Variants in BAALC observed in about 807,000 individuals in gnomAD.
The protein encoded by BAALC is BAALC binder of MAP3K1 and KLF4, also known as brain and acute leukemia cytoplasmic protein.
Under a neutral mutation model 15.5 loss-of-function variants are expected in BAALC, and 9 were observed. The observed-to-expected ratio is 0.58, with a 90% confidence interval of 0.35 to 1.02. The LOEUF (loss-of-function observed/expected upper bound fraction) is 1.02. BAALC is among the 50% of genes least tolerant of loss of function. The pLI, the probability that BAALC is intolerant of heterozygous loss-of-function variation, is 0.02. For missense variants in BAALC, 201 were observed against 192.4 expected, an observed-to-expected ratio of 1.04 and a Z score of -0.27; for synonymous variants, 80 against 74.6, an observed-to-expected ratio of 1.07 and a Z score of -0.37.
intron 1 of BAALC, chr8:103,198,152 A>G: frequency 1.4e-6 from 1 of 701,838 alleles, no homozygotes; most frequent in Admixed American, 2.0e-5. Context: ...TGGGCATCCC[A>G]ACCATTGATT....
intron 1 of BAALC, among the ~76,000 whole-genome samples, chr8:103,176,260 C>A (rs72673304): frequency 0.083 from 12,608 of 152,178 alleles, 708 homozygotes; most frequent in Middle Eastern, 0.13. Context: ...TGCACACATG[C>A]TGCAGAAAGC....
At chr8:103,190,045 T>G (rs1811931407) in intron 1 of BAALC, among the ~76,000 whole-genome samples, 1 of 152,102 alleles carries the variant, frequency 6.6e-6, no homozygotes, top group South Asian at 2.1e-4. Flanking sequence ...CAGGGATTCG[T>G]GTCAGACGTG....
chr8:103,218,327 C>T (rs1483509857), intron 2 of BAALC, among the ~76,000 whole-genome samples: 1 of 152,026 alleles, frequency 6.6e-6, no homozygotes, highest in Non-Finnish European at 1.5e-5. Context: ...TTCTCTATTG[C>T]ACCTTGATTT....
In BAALC at chr8:103,215,766, G is replaced by A. The variant is rs546697795; in HGVS notation, c.327+2681G>A. Among the ~76,000 whole-genome samples the A allele has an allele frequency of 2.8e-4, 43 of 152,304 alleles. No individual in the cohort carries two copies. The South Asian group carries it at 8.9e-3, about 32-fold the overall frequency. ...ATGGACAAGCCCAACTTTAAGCAGG[G>A]AAACATACTCCGTCCAAAGTGGAGA... On this transcript the variant is annotated intron_variant, in intron 2 of 2. Transcript: ENST00000309982.
chr8:103,152,680 G>A (rs1159115795), intron 1 of BAALC, among the ~76,000 whole-genome samples: 2 of 152,186 alleles, frequency 1.3e-5, no homozygotes. Context: ...GTACCAGTTA[G>A]GGATTGCATC....
chr8:103,171,692 T>C (rs1393795977), intron 1 of BAALC, among the ~76,000 whole-genome samples: 1 of 152,152 alleles, frequency 6.6e-6, no homozygotes, highest in Admixed American at 6.5e-5. Context: ...CCACAAGGAC[T>C]TGTGGAGAAC....
At chr8:103,163,421 T>C (rs1811273283) in intron 1 of BAALC, among the ~76,000 whole-genome samples, 1 of 152,076 alleles carries the variant, frequency 6.6e-6, no homozygotes, top group African/African-American at 2.4e-5. Flanking sequence ...GTCAGCCAAG[T>C]TCCTCAAATT....
chr8:103,177,062 G>A (rs1332366216), intron 1 of BAALC, among the ~76,000 whole-genome samples: 1 of 152,120 alleles, frequency 6.6e-6, no homozygotes. Flanking sequence ...GGTTTTTGTT[G>A]AAGTTGTTAA....
intron 1 of BAALC, among the ~76,000 whole-genome samples, chr8:103,169,232 C>T (rs1262005331): frequency 6.6e-6 from 1 of 152,050 alleles, no homozygotes; most frequent in Non-Finnish European, 1.5e-5. Flanking sequence ...ATTCCCTCTA[C>T]CTTAGTTTTA....
intron 2 of BAALC, among the ~76,000 whole-genome samples, chr8:103,223,412 CAAAGA>C (rs1226491880): frequency 2.0e-5 from 3 of 152,174 alleles, no homozygotes. Flanking sequence ...TTAATTCTCT[CAAAGA>C]AAAGTAAAGA....
chr8:103,159,191 C>T lies in BAALC; in HGVS notation c.160+18134C>T, dbSNP rs562223359. On this transcript the variant is annotated intron_variant, in intron 1 of 2. Transcript: ENST00000309982. ...GTATTCTTTCCATCGTGTGGTTCTA[C>T]ATCAGGAACCACACATCAGGTTATA... Among the ~76,000 whole-genome samples the T allele has an allele frequency of 9.8e-5, 15 of 152,296 alleles. No homozygotes were observed. In the South Asian group the frequency reaches 2.9e-3, roughly 29 times the overall value.
rs1586451476 is a variant in BAALC at position 103,229,417 on chromosome 8, A to AGAT, written c.*1319_*1321dup. 1.3e-5 allele frequency: 2 copies of AGAT among 152,226 alleles called. No individual in the cohort carries two copies. The highest frequency in any genetic ancestry group is 2.9e-5 in the Non-Finnish European group (2 of 68,044). 9.4% of individuals were successfully genotyped at this position (152,226 alleles called of 1,614,324 possible). The stretch of plus-strand genomic sequence containing the variant: ...AGAACTGACATGCAGGTCAAAAGTC[A>AGAT]GATACGCAACCTCCTTATCTGCTAA... On this transcript the variant is annotated 3_prime_UTR_variant, in exon 3 of 3. Coordinates refer to ENST00000309982, the MANE Select transcript of BAALC (RefSeq NM_024812.3).
intron 1 of BAALC, among the ~76,000 whole-genome samples, chr8:103,187,795 T>C (rs1252674911): frequency 6.6e-6 from 1 of 152,092 alleles, no homozygotes; most frequent in African/African-American, 2.4e-5. Context: ...CCTTAATCCC[T>C]AATGCAGATA....
rs1289725971 is a variant in BAALC, at chr8:103,200,753, T to C, written c.161-12166T>C. 1.1e-5 allele frequency: 8 copies of C among 696,270 alleles called. No homozygotes were observed. In the Admixed American group the frequency reaches 1.4e-4, roughly 12 times the overall value. 43.1% of individuals were successfully genotyped at this position (696,270 alleles called of 1,614,324 possible). On this transcript the variant is annotated intron_variant, in intron 1 of 2. Coordinates refer to ENST00000309982, the MANE Select transcript of BAALC (RefSeq NM_024812.3). ...TTCAAAGATGGCACCTCTTGCTGTGTTCTCACATGGTGGGTCAATGAGCTC... is the reference window on the plus strand; with the variant it reads ...TTCAAAGATGGCACCTCTTGCTGTGCTCTCACATGGTGGGTCAATGAGCTC...
chr8:103,178,747 C>T (rs1811658521), intron 1 of BAALC, among the ~76,000 whole-genome samples: 2 of 151,740 alleles, frequency 1.3e-5, no homozygotes, highest in South Asian at 4.2e-4. Flanking sequence ...ATCCCAGCTA[C>T]TCAGGAGGCT....
At chr8:103,179,448 C>G (rs946550886) in intron 1 of BAALC, among the ~76,000 whole-genome samples, 31 of 152,330 alleles carry the variant, frequency 2.0e-4, no homozygotes, top group African/African-American at 7.2e-4. Flanking sequence ...AATAAAACTA[C>G]CATTTGGAGG....
At chr8:103,209,149 A>T (rs150525670) in intron 1 of BAALC, among the ~76,000 whole-genome samples, 1,549 of 152,218 alleles carry the variant, frequency 0.01, 19 homozygotes, top group African/African-American at 0.025. Context: ...AGGCGGGTGG[A>T]TCACTTGAGG....
chr8:103,175,359 T>G (rs1811584684), intron 1 of BAALC, among the ~76,000 whole-genome samples: 1 of 152,216 alleles, frequency 6.6e-6, no homozygotes, highest in Non-Finnish European at 1.5e-5. Context: ...TTCAAATAGC[T>G]CAGAAATGAT....
intron 1 of BAALC, chr8:103,172,081 C>T (rs1368180059): frequency 1.3e-5 from 2 of 152,180 alleles, no homozygotes; most frequent in Non-Finnish European, 2.9e-5. Flanking sequence ...TTTATGTCCC[C>T]TAAACTGTCT....
Sources: allele counts gnomAD v4.1 joint callset (sites outside exome capture counted in the v4.1 genomes callset), GRCh38; gene constraint gnomAD v4.1.1; transcripts MANE v1.5; gene names NCBI Gene and HGNC (gene_info 2026-07-23, HGNC 2026-07-21).